IPO13: variants seen among roughly 807,000 people sequenced by gnomAD.
IPO13 encodes importin 13.
Under a neutral mutation model 115.5 loss-of-function variants are expected in IPO13, and 28 were observed. The observed-to-expected ratio is 0.24, with a 90% CI of 0.18 to 0.33. The LOEUF (loss-of-function observed/expected upper bound fraction) is 0.33. Among genes scored for constraint, IPO13 ranks in the 10% least tolerant of loss-of-function variants. The pLI is 1.00. For synonymous variants in IPO13, 414 were observed against 478.9 expected (o/e 0.86, Z 1.77); for missense variants, 785 against 1,204.6 (o/e 0.65, Z 5.16).
In IPO13 at chr1:43,958,713, G is replaced by A; in HGVS notation, c.1885-33G>A. 6.2e-7 allele frequency: 1 copy of A among 1,613,736 alleles called. No homozygotes were observed. Among genetic ancestry groups the A allele is most frequent in the African/African-American group, 1.3e-5 (1 of 75,012 alleles). ...GATCTGGGGACCAAACTGGGGCTGG[G>A]AGATCTGGAGCTTGGTTTGCTTCTC... On this transcript the variant is annotated intron_variant, in intron 10 of 19. Transcript: ENST00000372343. The surrounding 1 kb of genome is among the most constrained non-coding windows in gnomAD (Gnocchi z 6.3).
At chr1:43,951,837 G>A (rs1410838471) in intron 2 of IPO13, among the ~76,000 whole-genome samples, 4 of 152,140 alleles carry the variant, frequency 2.6e-5, no homozygotes, top group Non-Finnish European at 4.4e-5. Flanking sequence ...ATCTAAGTTT[G>A]AATCCCAGAT....
intron 1 of IPO13, among the ~76,000 whole-genome samples, chr1:43,948,532 G>A (rs1357313964): frequency 1.3e-5 from 2 of 152,222 alleles, no homozygotes; most frequent in Admixed American, 6.5e-5. Flanking sequence ...GCGTCCCTGA[G>A]GGGCCAAACA....
chr1:43,959,286 G>A (rs2085273774), intron 11 of IPO13, among the ~76,000 whole-genome samples: 1 of 152,212 alleles, frequency 6.6e-6, no homozygotes, highest in Admixed American at 6.5e-5. Flanking sequence ...CACTAAGGAT[G>A]CTCATTACCT....
chr1:43,958,851 G>A lies in IPO13; in HGVS notation c.1990G>A (p.Glu664Lys). The A allele has an allele frequency of 6.2e-7, 1 of 1,614,116 alleles. No individual in the cohort carries two copies. The highest frequency in any genetic ancestry group is 8.5e-7 in the Non-Finnish European group (1 of 1,180,028). The change falls in exon 11 of 20, where the codon GAG becomes AAG. Residue 664 changes from glutamate to lysine, a missense_variant. This residue lies in a region of IPO13 where 285 missense variants were observed against 394.8 expected (regional missense o/e 0.72). Coordinates refer to ENST00000372343, the MANE Select transcript of IPO13 (RefSeq NM_014652.4). The surrounding 1 kb of genome is among the most constrained non-coding windows in gnomAD (Gnocchi z 6.3). ...SHHEDDHEGP[E>K]LRKLPVPQGP... is the part of the protein sequence containing the mutation. ...TCATGAGGATGATCATGAAGGCCCT[G>A]AGCTTCGGAAGCTGCCAGTGCCACA...
chr1:43,958,649 G>A lies in IPO13; in HGVS notation c.1884+54G>A, dbSNP rs2085268592. On this transcript the variant is annotated intron_variant, in intron 10 of 19. Transcript: ENST00000372343. The surrounding 1 kb of genome is among the most constrained non-coding windows in gnomAD (Gnocchi z 6.3). ...GTACTGAGATGCTGTGGCTGATGAGGGGTGAGGTTGGAGCTGGCCCTCAGA... is the reference window on the plus strand; with the variant it reads ...GTACTGAGATGCTGTGGCTGATGAGAGGTGAGGTTGGAGCTGGCCCTCAGA... 2 of 1,612,518 alleles carry A rather than the reference G, an allele frequency of 1.2e-6. No individual in the cohort carries two copies. Among genetic ancestry groups the A allele is most frequent in the Non-Finnish European group, 1.7e-6 (2 of 1,179,044 alleles).
At chr1:43,957,816 C>T (rs2085261599) in intron 7 of IPO13, among the ~76,000 whole-genome samples, 161 bp from the exon 8 acceptor site, 1 of 152,202 alleles carries the variant, frequency 6.6e-6, no homozygotes, top group Non-Finnish European at 1.5e-5. Flanking sequence ...AGCTGTAAGG[C>T]TCATGTTTGA....
Position 43,966,754 on chromosome 1 carries a change from C to T in IPO13, c.2495C>T (p.Pro832Leu), listed in dbSNP as rs758899536. Residue 832 changes from proline (P) to leucine (L), a missense_variant, in exon 17 of 20, where the codon CCT becomes CTT. By Grantham distance (98) the Pro-to-Leu change is moderately conservative. Coordinates refer to ENST00000372343, the MANE Select transcript of IPO13 (RefSeq NM_014652.4). The surrounding 1 kb of genome is among the most constrained non-coding windows in gnomAD (Gnocchi z 4.1). ...CTGGCCCTCAAGTTCCCTGAGGCAC[C>T]TACTGTCAAGGCCTCCTGTGGCTTC... ...AVLALKFPEAPTVKASCGFFT... is the reference protein window; with the variant it reads ...AVLALKFPEALTVKASCGFFT... 6.2e-7 allele frequency: 1 copy of T among 1,614,176 alleles called. No individual in the cohort carries two copies.
intron 2 of IPO13, among the ~76,000 whole-genome samples, chr1:43,950,700 C>T (rs2085203262): frequency 6.6e-6 from 1 of 152,370 alleles, no homozygotes; most frequent in African/African-American, 2.4e-5. Context: ...TCTCATGCTA[C>T]TCTCCTTGCT....
Position 43,966,921 on chromosome 1 carries a change from C to A in IPO13, c.2524-9C>A, listed in dbSNP as rs1479829185. On this transcript the variant is annotated splice_polypyrimidine_tract_variant and intron_variant, in intron 17 of 19. Transcript: ENST00000372343. This position sits in a 1 kb window ranked among gnomAD's most constrained non-coding sequence, Gnocchi z 4.1. ...GAGCTGGGCTGATGGGCCTCTCCATCCTCTGCAGACAGAGCTGCTGCCTCG... is the reference window on the plus strand; with the variant it reads ...GAGCTGGGCTGATGGGCCTCTCCATACTCTGCAGACAGAGCTGCTGCCTCG... 1 of 1,613,644 alleles carries A rather than the reference C, an allele frequency of 6.2e-7. No individual in the cohort carries two copies. Among genetic ancestry groups the A allele is most frequent in the South Asian group, 1.1e-5 (1 of 91,082 alleles).
intron 14 of IPO13, among the ~76,000 whole-genome samples, chr1:43,962,214 ACTC>A: frequency 6.7e-6 from 1 of 149,914 alleles, no homozygotes; most frequent in East Asian, 2.0e-4. Context: ...GTCATCCTCA[ACTC>A]CACCTCTCCC....
In IPO13 at chr1:43,958,322, A is replaced by C. The variant is rs1208475328; in HGVS notation, c.1749+54A>C. 7 of 1,611,752 alleles carry C rather than the reference A, an allele frequency of 4.3e-6. No homozygotes were observed. The highest frequency in any genetic ancestry group is 1.3e-5 in the African/African-American group (1 of 74,838). The stretch of plus-strand genomic sequence containing the variant: ...CTTGGAGGTCTTGTGGGAATCACTT[A>C]TCCCTGAAATCCTGTTTTTTGGCCT... On this transcript the variant is annotated intron_variant, in intron 9 of 19. Coordinates refer to ENST00000372343, the MANE Select transcript of IPO13 (RefSeq NM_014652.4). The surrounding 1 kb of genome is among the most constrained non-coding windows in gnomAD (Gnocchi z 6.3).
In IPO13 at chr1:43,967,973, CAGT is replaced by C. The variant is rs2085338329; in HGVS notation, c.*295_*297del. On this transcript the variant is annotated 3_prime_UTR_variant, in exon 20 of 20. Transcript: ENST00000372343. The surrounding 1 kb of genome is among the most constrained non-coding windows in gnomAD (Gnocchi z 6.1). ...CATTGTCCTTGGGGCGGGGTGGTTG[CAGT>C]AGTGTCATCAACCCCCCCATCCCCA... 7 of 518,198 alleles carry C rather than the reference CAGT, an allele frequency of 1.4e-5. No homozygotes were observed. In the East Asian group the frequency reaches 2.3e-4, roughly 17 times the overall value. The allele number at this position is 518,198 out of a possible 1,614,324, so 32.1% of individuals were successfully genotyped here. A position where few individuals can be genotyped will look rare whatever the true frequency, so the allele number is the denominator to read the frequency against.
rs1429183071 is a variant in IPO13 at position 43,966,604 on chromosome 1, G to C, written c.2427G>C (p.Leu809=). ...QALKRKPDLF[L]CERLDVKAVF... Reference sequence around the variant, plus strand: ...TGAAGCGGAAGCCAGATTTGTTCCTGTGTGAACGATTGGATGTCAAAGCTG... The same window carrying C: ...TGAAGCGGAAGCCAGATTTGTTCCTCTGTGAACGATTGGATGTCAAAGCTG... The change falls in exon 16 of 20, where the codon CTG becomes CTC. Residue 809 remains leucine, a synonymous_variant. Transcript: ENST00000372343. The surrounding 1 kb of genome is among the most constrained non-coding windows in gnomAD (Gnocchi z 4.1). 14 of 1,614,166 alleles carry C rather than the reference G, an allele frequency of 8.7e-6. No individual in the cohort carries two copies. The East Asian group carries it at 2.9e-4, about 33-fold the overall frequency.
In IPO13 at chr1:43,952,423, G is replaced by A. The variant is rs972912723; in HGVS notation, c.821+2270G>A. ...AACCTCAGGTGATCCATCTGCCTCC[G>A]CCTCCCAAAGTGCTGGGATTACAGG... is the stretch of plus-strand genomic sequence containing the variant. On this transcript the variant is annotated intron_variant, in intron 2 of 19. Coordinates refer to ENST00000372343, the MANE Select transcript of IPO13 (RefSeq NM_014652.4). The surrounding 1 kb of genome is among the most constrained non-coding windows in gnomAD (Gnocchi z 4.7). 1.3e-5 allele frequency among the ~76,000 whole-genome samples: 2 copies of A among 152,114 alleles called. No individual in the cohort carries two copies. The highest frequency in any genetic ancestry group is 2.4e-5 in the African/African-American group (1 of 41,412).
chr1:43,951,137 C>T (rs2085206101), intron 2 of IPO13, among the ~76,000 whole-genome samples: 1 of 152,220 alleles, frequency 6.6e-6, no homozygotes, highest in South Asian at 2.1e-4. Flanking sequence ...ATGATATATT[C>T]AAGGGCCCTA....
At position 43,958,782 on chromosome 1, in the gene IPO13, T is replaced by C. The variant is rs147903080; in HGVS notation, c.1921T>C (p.Leu641=). The change falls in exon 11 of 20, where the codon TTG becomes CTG. Residue 641 remains leucine, a synonymous_variant. Transcript: ENST00000372343. The surrounding 1 kb of genome is among the most constrained non-coding windows in gnomAD (Gnocchi z 6.3). ...PSNKLAIVHI[L]GLLSNLFTTL... is the part of the protein sequence containing the mutation. Reference sequence around the variant, plus strand: ...CAACAAGCTGGCCATTGTTCACATCTTGGGGCTTCTCTCCAACCTCTTCAC... The same window carrying C: ...CAACAAGCTGGCCATTGTTCACATCCTGGGGCTTCTCTCCAACCTCTTCAC... 30 of 1,614,186 alleles carry C rather than the reference T, an allele frequency of 1.9e-5. No individual in the cohort carries two copies. In the African/African-American group the frequency reaches 3.5e-4, roughly 19 times the overall value.
intron 2 of IPO13, among the ~76,000 whole-genome samples, chr1:43,954,237 G>T (rs2085228853): frequency 6.6e-6 from 1 of 152,190 alleles, no homozygotes; most frequent in African/African-American, 2.4e-5. Flanking sequence ...CCATTGTCTG[G>T]TGGTGCAGCC....
intron 2 of IPO13, among the ~76,000 whole-genome samples, chr1:43,955,118 T>C (rs949018377): frequency 1.3e-5 from 2 of 152,244 alleles, no homozygotes; most frequent in Non-Finnish European, 2.9e-5. Context: ...CTGTCTGTTT[T>C]GCCTCTTAGC....
chr1:43,960,833 A>G (rs377567051), intron 12 of IPO13, 43 bp from the exon 13 acceptor site: 2 of 1,610,560 alleles, frequency 1.2e-6, no homozygotes, highest in African/African-American at 2.7e-5. Context: ...TGTTCCAGCC[A>G]GTCATGACCT....
Sources: allele counts gnomAD v4.1 joint callset (sites outside exome capture counted in the v4.1 genomes callset), GRCh38; gene constraint gnomAD v4.1.1; regional missense constraint gnomAD v4.1.1; non-coding constraint Gnocchi (gnomAD v3.1); transcripts MANE v1.5; gene names NCBI Gene and HGNC (gene_info 2026-07-23, HGNC 2026-07-21).